The following VPS13B variants were observed in gnomAD, a reference collection of about 807,000 sequenced individuals.
VPS13B encodes intermembrane lipid transfer protein VPS13B.
A neutral mutation model predicts 426.4 loss-of-function variants in VPS13B; 285 were observed. The observed-to-expected ratio is 0.67, with a 90% confidence interval of 0.61 to 0.74. The LOEUF is 0.74. Among genes scored for constraint, VPS13B ranks in the 30% least tolerant of loss-of-function variants. The pLI, the probability that VPS13B is intolerant of heterozygous loss-of-function variation, is 0.00. For synonymous variants in VPS13B, 1,676 were observed against 1,676.4 expected (o/e 1.00, Z 0.01); for missense variants, 4,537 against 4,782.6 (o/e 0.95, Z 1.51).
chr8:99,661,455 A>G lies in VPS13B; in HGVS notation c.6010A>G (p.Ile2004Val), dbSNP rs752589749. 4.3e-6 allele frequency: 7 copies of G among 1,613,554 alleles called. No individual in the cohort carries two copies. In the South Asian group the frequency reaches 4.4e-5, roughly 10 times the overall value. The stretch of plus-strand genomic sequence containing the variant: ...CAAAAGTGGTATTCCACCTTCCTTT[A>G]TAACACTACAGATTAAAGACTTTCT... ...DSKSGIPPSFITLQIKDFLNG... is the reference protein window; with the variant it reads ...DSKSGIPPSFVTLQIKDFLNG... The change falls in exon 35 of 62, where the codon ATA becomes GTA. Residue 2004 changes from isoleucine to valine, a missense_variant. By Grantham distance (29) the Ile-to-Val change is conservative. This residue lies in a region of VPS13B where 4,311 missense variants were observed against 4,474.3 expected (regional missense o/e 0.96). Coordinates refer to ENST00000357162, the MANE Select transcript of VPS13B (RefSeq NM_152564.5).
chr8:99,695,296 C>A (rs1328332172), intron 35 of VPS13B, among the ~76,000 whole-genome samples: 1 of 148,040 alleles, frequency 6.8e-6, no homozygotes, highest in African/African-American at 2.5e-5. Flanking sequence ...TTGGAACCAA[C>A]CCAAATGTCC....
chr8:99,085,996 A>T lies in VPS13B; in HGVS notation c.292-10316A>T, dbSNP rs1232065041. On this transcript the variant is annotated intron_variant, in intron 3 of 61. Transcript: ENST00000357162. The stretch of plus-strand genomic sequence containing the variant: ...CGTTTTCTGTATTTCCTGAATTTGA[A>T]TGTTGGCCTGCCTTGCTAGATTGGG... Among the ~76,000 whole-genome samples, 7 of 152,242 alleles carry T rather than the reference A, an allele frequency of 4.6e-5. No homozygotes were observed. In the East Asian group the frequency reaches 1.3e-3, roughly 29 times the overall value.
chr8:99,465,918 A>G (rs976568829), intron 23 of VPS13B, among the ~76,000 whole-genome samples: 2 of 152,112 alleles, frequency 1.3e-5, no homozygotes, highest in Non-Finnish European at 2.9e-5. Flanking sequence ...CTCACTTTCA[A>G]AGTTTCTAAT....
At chr8:99,486,492 A>G (rs1306345835) in intron 25 of VPS13B, among the ~76,000 whole-genome samples, 1 of 152,194 alleles carries the variant, frequency 6.6e-6, no homozygotes, top group African/African-American at 2.4e-5. Context: ...CTGGGATTAC[A>G]GGCGTGAGCC....
At chr8:99,030,484 G>T (rs1276155232) in intron 2 of VPS13B, among the ~76,000 whole-genome samples, 2 of 151,738 alleles carry the variant, frequency 1.3e-5, no homozygotes, top group Non-Finnish European at 2.9e-5. Context: ...GTGTGTGTGT[G>T]TGTGTGTACC....
chr8:99,865,305 C>T (rs1447968983), intron 58 of VPS13B, among the ~76,000 whole-genome samples: 2 of 152,232 alleles, frequency 1.3e-5, no homozygotes, highest in Admixed American at 6.5e-5. Flanking sequence ...TCTGCGTTTC[C>T]TCCCAAACCT....
chr8:99,420,196 T>G (rs902206997), intron 21 of VPS13B, among the ~76,000 whole-genome samples: 1 of 152,158 alleles, frequency 6.6e-6, no homozygotes, highest in Non-Finnish European at 1.5e-5. Context: ...TGAACAAATG[T>G]ATCTTGACTT....
At chr8:99,028,464 G>A (rs1264189404) in intron 2 of VPS13B, among the ~76,000 whole-genome samples, 25 of 137,226 alleles carry the variant, frequency 1.8e-4, no homozygotes, top group African/African-American at 5.3e-4. Flanking sequence ...CAGTAGGGGC[G>A]GCTGGGCAGA....
At chr8:99,841,759 A>G (rs7008935) in intron 54 of VPS13B, among the ~76,000 whole-genome samples, 4,816 of 152,214 alleles carry the variant, frequency 0.032, 235 homozygotes, top group African/African-American at 0.11. Flanking sequence ...CGTCTCTGGA[A>G]TCTGCCCCTT....
intron 8 of VPS13B, among the ~76,000 whole-genome samples, chr8:99,131,826 G>A (rs1809820147): frequency 6.6e-6 from 1 of 152,098 alleles, no homozygotes; most frequent in African/African-American, 2.4e-5. Flanking sequence ...AGTGTGCCAC[G>A]TTAATTGACT....
At chr8:99,303,258 C>CAAAAAAA (rs757187342) in intron 19 of VPS13B, among the ~76,000 whole-genome samples, 9 of 57,278 alleles carry the variant, frequency 1.6e-4, no homozygotes, top group East Asian at 1.0e-3. Context: ...CAGCCTGTCT[C>CAAAAAAA]AAAAAAAAAA....
chr8:99,055,244 G>A (rs10105136), intron 3 of VPS13B, among the ~76,000 whole-genome samples: 112,681 of 151,922 alleles, frequency 0.74, 42,437 homozygotes, highest in South Asian at 0.87. Flanking sequence ...GTGCCATGTC[G>A]CCTAGGCTGA....
At chr8:99,516,044 ATC>A (rs1563771570) in intron 29 of VPS13B, among the ~76,000 whole-genome samples, 1 of 152,038 alleles carries the variant, frequency 6.6e-6, no homozygotes, top group Non-Finnish European at 1.5e-5. Flanking sequence ...TTGCATCTCT[ATC>A]TGAGGTGTTA....
intron 34 of VPS13B, among the ~76,000 whole-genome samples, chr8:99,660,314 A>G (rs1830173185): frequency 6.6e-6 from 1 of 152,226 alleles, no homozygotes; most frequent in Non-Finnish European, 1.5e-5. Context: ...GCAATACTAA[A>G]TAACCATATG....
At chr8:99,515,770 T>C (rs1333710227) in intron 29 of VPS13B, among the ~76,000 whole-genome samples, 3 of 152,134 alleles carry the variant, frequency 2.0e-5, no homozygotes, top group Non-Finnish European at 4.4e-5. Flanking sequence ...TAGTAAGCGA[T>C]GTCTAATTGC....
intron 17 of VPS13B, among the ~76,000 whole-genome samples, chr8:99,229,322 C>T (rs977845200): frequency 9.2e-5 from 14 of 152,178 alleles, no homozygotes; most frequent in Non-Finnish European, 1.3e-4. Flanking sequence ...TGGGCTTCTC[C>T]ATGAGGAGAA....
chr8:99,738,696 T>A (rs2130454446), intron 39 of VPS13B, among the ~76,000 whole-genome samples: 1 of 152,376 alleles, frequency 6.6e-6, no homozygotes, highest in South Asian at 2.1e-4. Flanking sequence ...GTTGAAAATC[T>A]TCAGTTATTT....
At chr8:99,474,447 A>G (rs1819586320) in intron 24 of VPS13B, among the ~76,000 whole-genome samples, 1 of 152,088 alleles carries the variant, frequency 6.6e-6, no homozygotes, top group South Asian at 2.1e-4. Flanking sequence ...TCGGCCTCCC[A>G]AAGTGCTGGG....
chr8:99,185,727 A>G (rs1407630550), intron 16 of VPS13B, among the ~76,000 whole-genome samples: 1 of 152,204 alleles, frequency 6.6e-6, no homozygotes, highest in Non-Finnish European at 1.5e-5. Context: ...TGGTATCGCT[A>G]TGAACTTGAA....
Sources: gnomAD v4.1 joint callset for allele counts (sites outside exome capture counted in the v4.1 genomes callset) on GRCh38, gnomAD v4.1.1 for gene constraint, gnomAD v4.1.1 regional missense constraint, MANE v1.5 for transcripts, NCBI Gene and HGNC (gene_info 2026-07-23, HGNC 2026-07-21) for gene names.